The following GRM4 variants were observed in gnomAD, a reference collection of about 807,000 sequenced individuals.
The protein encoded by GRM4 is metabotropic glutamate receptor 4.
GRM4 carries 28 observed loss-of-function variants against 81.7 expected under a neutral mutation model. The observed-to-expected ratio is 0.34, with a 90% CI of 0.25 to 0.47. The LOEUF is 0.47. Among genes scored for constraint, GRM4 ranks in the 20% least tolerant of loss-of-function variants. The pLI is 1.00. For missense variants in GRM4, 948 were observed against 1,290.0 expected, an observed-to-expected ratio of 0.73 and a Z score of 4.06; for synonymous variants, 488 against 528.8, an observed-to-expected ratio of 0.92 and a Z score of 1.06.
intron 3 of GRM4, among the ~76,000 whole-genome samples, chr6:34,082,738 G>A (rs901710092): frequency 1.3e-5 from 2 of 152,222 alleles, no homozygotes; most frequent in African/African-American, 2.4e-5. Context: ...AGGTATTCAC[G>A]CACTTAACCT....
At chr6:34,076,220 C>A (rs1343577686) in intron 3 of GRM4, among the ~76,000 whole-genome samples, 1 of 152,260 alleles carries the variant, frequency 6.6e-6, no homozygotes, top group African/African-American at 2.4e-5. Flanking sequence ...TGTAATTACC[C>A]AGGCAGGCCA....
At position 34,115,359 on chromosome 6, in the gene GRM4, GCAA is replaced by G. The variant is rs1431116671; in HGVS notation, c.519+17616_519+17618del. Reference sequence around the variant, plus strand: ...CTACATTGTTAGCGCAGTAGAGAGAGCAACCGTGTCTCCAGGCTTCAATTAAAA... The same window carrying G: ...CTACATTGTTAGCGCAGTAGAGAGAGCCGTGTCTCCAGGCTTCAATTAAAA... On this transcript the variant is annotated intron_variant, in intron 2 of 10. Coordinates refer to ENST00000538487, the MANE Select transcript of GRM4 (RefSeq NM_000841.4). The surrounding 1 kb of genome is among the most constrained non-coding windows in gnomAD (Gnocchi z 4.1). Among the ~76,000 whole-genome samples, 1 of 152,228 alleles carries G rather than the reference GCAA, an allele frequency of 6.6e-6. No individual in the cohort carries two copies. The highest frequency in any genetic ancestry group is 2.4e-5 in the African/African-American group (1 of 41,454).
At chr6:34,093,685 G>C (rs1768360790) in intron 2 of GRM4, among the ~76,000 whole-genome samples, 2 of 152,164 alleles carry the variant, frequency 1.3e-5, no homozygotes, top group Non-Finnish European at 2.9e-5. Context: ...AGGGACAAAT[G>C]ACAATAAGGA....
In GRM4 at chr6:34,056,683, G is replaced by C; in HGVS notation, c.1029C>G (p.Gly343=). Residue 343 remains glycine, a splice_region_variant and synonymous_variant, in exon 6 of 11, where the codon GGC becomes GGG. Transcript: ENST00000538487. ...TILPKRMSVR[G]FDRYFSSRTL... ...TGCGGCTGGAGAAGTAGCGGTCGAA[G>C]CCTGGCAGGGAACCAGGACGTCAGG... 6.2e-7 allele frequency: 1 copy of C among 1,612,736 alleles called. No homozygotes were observed. Among genetic ancestry groups the C allele is most frequent in the South Asian group, 1.1e-5 (1 of 91,020 alleles).
At chr6:34,049,739 A>T (rs1765521522) in intron 6 of GRM4, among the ~76,000 whole-genome samples, 1 of 151,840 alleles carries the variant, frequency 6.6e-6, no homozygotes, top group South Asian at 2.1e-4. Context: ...ACTTTCTGTC[A>T]TCTCTCTCTC....
At chr6:34,105,511 C>T (rs1372497210) in intron 2 of GRM4, among the ~76,000 whole-genome samples, 2 of 152,128 alleles carry the variant, frequency 1.3e-5, no homozygotes, top group African/African-American at 4.8e-5. Flanking sequence ...TTGTCCCCTC[C>T]TTCCTCTCAG....
chr6:34,036,195 T>C lies in GRM4; in HGVS notation c.1915A>G (p.Thr639Ala). ...LLAGIFLCYATTFLMIAEPDL... is the reference protein window; with the variant it reads ...LLAGIFLCYAATFLMIAEPDL... ...GGCTCAGCGATCATGAGGAAGGTGG[T>C]GGCATAGCACAGGAAGATGCCTGCC... Residue 639 changes from threonine (T) to alanine (A), a missense_variant, in exon 9 of 11, where the codon ACC becomes GCC. Physicochemically the swap from Thr to Ala is moderately conservative, Grantham distance 58. Coordinates refer to ENST00000538487, the MANE Select transcript of GRM4 (RefSeq NM_000841.4). The surrounding 1 kb of genome is among the most constrained non-coding windows in gnomAD (Gnocchi z 9.0). 2 of 1,614,022 alleles carry C rather than the reference T, an allele frequency of 1.2e-6. No homozygotes were observed. The highest frequency in any genetic ancestry group is 1.7e-6 in the Non-Finnish European group (2 of 1,180,008).
chr6:34,067,479 T>C (rs1343340253), intron 3 of GRM4, among the ~76,000 whole-genome samples: 1 of 121,906 alleles, frequency 8.2e-6, no homozygotes, highest in Non-Finnish European at 1.6e-5. Flanking sequence ...CCTCCCTCCC[T>C]CTCTTCCTTC....
intron 10 of GRM4, among the ~76,000 whole-genome samples, chr6:34,026,819 CT>C (rs1399843787): frequency 1.3e-5 from 2 of 152,188 alleles, no homozygotes; most frequent in African/African-American, 4.8e-5. Flanking sequence ...CTAATACCCC[CT>C]AGCTCTCAGG....
chr6:34,137,889 C>T (rs944848503), intron 1 of GRM4, among the ~76,000 whole-genome samples: 8 of 151,836 alleles, frequency 5.3e-5, no homozygotes, highest in African/African-American at 1.7e-4. Flanking sequence ...AGCCACTTTG[C>T]CCGGCCCTCT....
intron 7 of GRM4, 97 bp from the exon 8 acceptor site, chr6:34,040,411 G>T: frequency 6.9e-7 from 1 of 1,457,088 alleles, no homozygotes; most frequent in Non-Finnish European, 9.5e-7. Flanking sequence ...CCCATTCATG[G>T]AACATTCTGG....
chr6:34,045,973 C>T (rs551595394), intron 6 of GRM4, among the ~76,000 whole-genome samples: 2 of 152,152 alleles, frequency 1.3e-5, no homozygotes, highest in Admixed American at 6.5e-5. Context: ...GTCAAAACCC[C>T]GAAGCGTGGT....
Position 34,059,262 on chromosome 6 carries a change from C to G in GRM4, c.873-134G>C, listed in dbSNP as rs1210854737. ...GTCCACAACTGTCCCAGCACCGATG[C>G]TTTCACCCCAAGCCATGGATTCCCC... On this transcript the variant is annotated intron_variant, in intron 4 of 10. Coordinates refer to ENST00000538487, the MANE Select transcript of GRM4 (RefSeq NM_000841.4). This position sits in a 1 kb window ranked among gnomAD's most constrained non-coding sequence, Gnocchi z 5.7. 2 of 757,108 alleles carry G rather than the reference C, an allele frequency of 2.6e-6. No homozygotes were observed. Among genetic ancestry groups the G allele is most frequent in the Non-Finnish European group, 4.4e-6 (2 of 457,840 alleles). The allele number at this position is 757,108 out of a possible 1,614,324, so 46.9% of individuals were successfully genotyped here.
intron 2 of GRM4, among the ~76,000 whole-genome samples, chr6:34,122,349 AAG>A (rs1769844327): frequency 6.6e-6 from 1 of 152,006 alleles, no homozygotes; most frequent in African/African-American, 2.4e-5. Flanking sequence ...CAGACAGGGA[AAG>A]AGGGGACAAA....
rs76327372 is a variant in GRM4, at chr6:34,059,287, C to T, written c.873-159G>A. The T allele has an allele frequency of 1.9e-3, 1,307 of 680,978 alleles. 9 individuals are homozygous for T. The highest frequency in any genetic ancestry group is 0.017 in the African/African-American group (958 of 56,358). The allele number at this position is 680,978 out of a possible 1,614,324, so 42.2% of individuals were successfully genotyped here. ...CTTTCACCCCAAGCCATGGATTCCC[C>T]CTACCCGCTGCCCTCACCTGCTCAT... On this transcript the variant is annotated intron_variant, in intron 4 of 10. Coordinates refer to ENST00000538487, the MANE Select transcript of GRM4 (RefSeq NM_000841.4). The surrounding 1 kb of genome is among the most constrained non-coding windows in gnomAD (Gnocchi z 5.7).
intron 2 of GRM4, among the ~76,000 whole-genome samples, chr6:34,105,561 T>C (rs2499716): frequency 0.046 from 6,922 of 152,114 alleles, 403 homozygotes; most frequent in African/African-American, 0.14. Flanking sequence ...GATCCGACCC[T>C]GGTGGTCCCC....
chr6:34,147,830 G>A (rs929588768), upstream of GRM4, among the ~76,000 whole-genome samples: 2 of 152,158 alleles, frequency 1.3e-5, no homozygotes, highest in African/African-American at 4.8e-5. Context: ...ACCTAGTACT[G>A]TATTTAGGCG....
At chr6:34,056,798 G>A in intron 5 of GRM4, 114 bp from the exon 6 acceptor site, 7 of 1,158,568 alleles carry the variant, frequency 6.0e-6, no homozygotes, top group Non-Finnish European at 8.4e-6. Context: ...GAGACCAGGA[G>A]GAGCACATCC....
chr6:34,066,921 T>C (rs371782978), intron 3 of GRM4, among the ~76,000 whole-genome samples: 3 of 152,154 alleles, frequency 2.0e-5, no homozygotes, highest in East Asian at 3.9e-4. Flanking sequence ...TGTGTTCATC[T>C]GTGAAATGGG....
Sources: allele counts gnomAD v4.1 joint callset (sites outside exome capture counted in the v4.1 genomes callset), GRCh38; gene constraint gnomAD v4.1.1; non-coding constraint Gnocchi (gnomAD v3.1); transcripts MANE v1.5; gene names NCBI Gene and HGNC (gene_info 2026-07-23, HGNC 2026-07-21).